AQR: variants seen among roughly 807,000 people sequenced by gnomAD.
The protein encoded by AQR is aquarius intron-binding spliceosomal factor.
Under a neutral mutation model 180.5 loss-of-function variants are expected in AQR, and 61 were observed. That is an observed-to-expected ratio of 0.34 (90% CI 0.28 to 0.42). AQR has a LOEUF of 0.42. Ranked by LOEUF, AQR falls within the 10% of genes least tolerant of loss-of-function variation. The probability of loss-of-function intolerance (pLI) is 1.00; values close to 1 mark genes in which losing one functional copy is unlikely to be tolerated. For synonymous variants in AQR, 551 were observed against 588.8 expected (o/e 0.94, Z 0.93); for missense variants, 1,281 against 1,798.3 (o/e 0.71, Z 5.20).
intron 27 of AQR, among the ~76,000 whole-genome samples, chr15:34,879,429 A>C (rs1041862434): frequency 1.3e-5 from 2 of 152,208 alleles, no homozygotes; most frequent in African/African-American, 2.4e-5. Flanking sequence ...AAGAGGTAGC[A>C]TGAAGAGAGA....
At chr15:34,869,513 T>C (rs566841676) in intron 31 of AQR, 8 of 152,294 alleles carry the variant, frequency 5.3e-5, no homozygotes, top group African/African-American at 1.7e-4. Flanking sequence ...AATAACATCG[T>C]TGAGCTACCC....
intron 34 of AQR, among the ~76,000 whole-genome samples, chr15:34,859,033 C>T (rs1892631771): frequency 6.6e-6 from 1 of 152,110 alleles, no homozygotes; most frequent in South Asian, 2.1e-4. Context: ...ACATAAAAAG[C>T]ATGAATCATA....
chr15:34,882,490 A>AT lies in AQR; in HGVS notation c.3165+11dup, dbSNP rs1892989157. On this transcript the variant is annotated intron_variant, in intron 27 of 34. Coordinates refer to ENST00000156471, the MANE Select transcript of AQR (RefSeq NM_014691.3). ...TAAAAAAAAAAAAAAAAAAACTACC[A>AT]TAAGTCTTTACCTTGAAACCTAGCT... The AT allele has an allele frequency of 1.3e-6, 2 of 1,490,754 alleles. No individual in the cohort carries two copies. The highest frequency in any genetic ancestry group is 4.7e-5 in the East Asian group (2 of 42,144). 92.3% of individuals were successfully genotyped at this position (1,490,754 alleles called of 1,614,324 possible). A position where few individuals can be genotyped will look rare whatever the true frequency, so the allele number is the denominator to read the frequency against.
chr15:34,912,964 T>G (rs1326716981), intron 16 of AQR, among the ~76,000 whole-genome samples: 1 of 152,200 alleles, frequency 6.6e-6, no homozygotes, highest in East Asian at 1.9e-4. Context: ...GGACAATGTC[T>G]AAAAGGAATT....
intron 20 of AQR, among the ~76,000 whole-genome samples, chr15:34,900,199 T>C (rs936930169): frequency 3.9e-5 from 6 of 152,170 alleles, no homozygotes. Context: ...AGCTATATTA[T>C]GAACATTTCA....
intron 23 of AQR, among the ~76,000 whole-genome samples, chr15:34,893,075 C>T (rs924945410): frequency 6.6e-6 from 1 of 152,178 alleles, no homozygotes; most frequent in Non-Finnish European, 1.5e-5. Context: ...TCCTCTGCTC[C>T]TTCCTTATGT....
Position 34,874,558 on chromosome 15 carries a change from T to C in AQR, c.3425+119A>G, listed in dbSNP as rs573601185. The stretch of plus-strand genomic sequence containing the variant: ...ACAAAAGTGCTTTTGGATTTATGGA[T>C]AGCCAAGTTCCTGGATAGCCAAGAA... On this transcript the variant is annotated intron_variant, in intron 29 of 34. Coordinates refer to ENST00000156471, the MANE Select transcript of AQR (RefSeq NM_014691.3). 1.6e-5 allele frequency: 19 copies of C among 1,223,058 alleles called. No individual in the cohort carries two copies. The South Asian group carries it at 2.7e-4, about 18-fold the overall frequency. 75.8% of individuals were successfully genotyped at this position (1,223,058 alleles called of 1,614,324 possible).
At chr15:34,956,392 T>C (rs1196267069) in intron 3 of AQR, among the ~76,000 whole-genome samples, 2 of 152,132 alleles carry the variant, frequency 1.3e-5, no homozygotes, top group Admixed American at 1.3e-4. Flanking sequence ...GGCTCACACC[T>C]GTAATCCCAG....
intron 13 of AQR, among the ~76,000 whole-genome samples, chr15:34,926,412 A>G (rs1893765136): frequency 1.3e-5 from 2 of 152,184 alleles, no homozygotes; most frequent in African/African-American, 4.8e-5. Context: ...GGGCTTGGAA[A>G]TCACACTATC....
At chr15:34,968,434 A>C (rs766855499) in intron 1 of AQR, among the ~76,000 whole-genome samples, 16 of 151,018 alleles carry the variant, frequency 1.1e-4, no homozygotes, top group African/African-American at 2.2e-4. Context: ...TTTTCTTTTT[A>C]TTTTTAGTAG....
chr15:34,852,021 C>A lies in AQR; in HGVS notation c.*4771G>T, dbSNP rs1296353523. 2 of 152,134 alleles carry A rather than the reference C, an allele frequency of 1.3e-5. No homozygotes were observed. The highest frequency in any genetic ancestry group is 4.8e-5 in the African/African-American group (2 of 41,438). The allele number at this position is 152,134 out of a possible 1,614,324, so 9.4% of individuals were successfully genotyped here. ...ACACTACGACATTTTGTACAAATCA[C>A]TTCACTTCTGGTTTCCTCTTCGGCT... On this transcript the variant is annotated 3_prime_UTR_variant, in exon 35 of 35. Transcript: ENST00000156471.
At chr15:34,935,007 T>C (rs955311784) in intron 9 of AQR, among the ~76,000 whole-genome samples, 2 of 152,174 alleles carry the variant, frequency 1.3e-5, no homozygotes, top group African/African-American at 2.4e-5. Flanking sequence ...TTCACTTTCC[T>C]TATTGTCTTT....
intron 24 of AQR, among the ~76,000 whole-genome samples, chr15:34,888,563 G>C (rs1225975544): frequency 6.6e-6 from 1 of 151,886 alleles, no homozygotes; most frequent in Non-Finnish European, 1.5e-5. Context: ...CAGGCTTGGT[G>C]GTGGGTACCT....
chr15:34,928,927 C>T (rs1893806779), intron 12 of AQR, among the ~76,000 whole-genome samples: 1 of 152,192 alleles, frequency 6.6e-6, no homozygotes, highest in African/African-American at 2.4e-5. Context: ...TTTTGACTTG[C>T]ATTTCTCTGA....
At chr15:34,962,744 G>C (rs985734627) in intron 2 of AQR, among the ~76,000 whole-genome samples, 2 of 151,542 alleles carry the variant, frequency 1.3e-5, no homozygotes, top group African/African-American at 2.4e-5. Flanking sequence ...ACTCCAAACT[G>C]GGTGACAAGA....
intron 2 of AQR, among the ~76,000 whole-genome samples, chr15:34,962,766 C>T (rs1042360872): frequency 6.7e-6 from 1 of 150,098 alleles, no homozygotes; most frequent in African/African-American, 2.5e-5. Context: ...CGAGACTCCA[C>T]CTCCAAAAAA....
At chr15:34,885,454 A>G (rs116996533) in intron 25 of AQR, among the ~76,000 whole-genome samples, 1 of 152,312 alleles carries the variant, frequency 6.6e-6, no homozygotes, top group Non-Finnish European at 1.5e-5. Context: ...TTCCACCTCT[A>G]TTGAATGAGA....
intron 32 of AQR, among the ~76,000 whole-genome samples, chr15:34,866,846 C>A (rs1440367481): frequency 6.6e-6 from 1 of 152,064 alleles, no homozygotes; most frequent in Admixed American, 6.5e-5. Context: ...AACCTGATCA[C>A]TGGGTTAAGC....
chr15:34,870,677 C>CAAAAA (rs1355571540), intron 31 of AQR, 75 bp downstream of exon 31: 42 of 1,273,428 alleles, frequency 3.3e-5, no homozygotes, highest in Non-Finnish European at 3.8e-5. Context: ...AGCAAAGAGG[C>CAAAAA]AAAGCAGAAC....
Sources: gnomAD v4.1 joint callset for allele counts (sites outside exome capture counted in the v4.1 genomes callset) on GRCh38, gnomAD v4.1.1 for gene constraint, MANE v1.5 for transcripts, NCBI Gene and HGNC (gene_info 2026-07-23, HGNC 2026-07-21) for gene names.